BABAM2: variants seen among roughly 807,000 people sequenced by gnomAD.
BABAM2 encodes BRISC and BRCA1-A complex member 2.
A neutral mutation model predicts 54.7 loss-of-function variants in BABAM2; 31 were observed. The observed-to-expected ratio is 0.57, with a 90% CI of 0.43 to 0.77. The LOEUF (loss-of-function observed/expected upper bound fraction) is 0.77, where lower values mean the gene tolerates loss of function less well. Among genes scored for constraint, BABAM2 ranks in the 30% least tolerant of loss-of-function variants. The pLI is 0.00. For missense variants in BABAM2, 364 were observed against 455.8 expected, an observed-to-expected ratio of 0.80 and a Z score of 1.83; for synonymous variants, 167 against 162.9, an observed-to-expected ratio of 1.03 and a Z score of -0.19.
intron 3 of BABAM2, among the ~76,000 whole-genome samples, chr2:27,966,516 G>T (rs892073934): frequency 1.3e-5 from 2 of 152,156 alleles, no homozygotes; most frequent in Non-Finnish European, 2.9e-5. Context: ...GGCTCTTCAG[G>T]TCTTGTTGAT....
chr2:28,308,396 C>T (rs893810404), intron 11 of BABAM2: 1 of 509,398 alleles, frequency 2.0e-6, no homozygotes, highest in Non-Finnish European at 3.9e-6. Context: ...TCATCAGGTT[C>T]CCCCAACCAC....
intron 6 of BABAM2, among the ~76,000 whole-genome samples, chr2:28,059,048 T>C (rs182390987): frequency 7.9e-5 from 12 of 152,264 alleles, no homozygotes; most frequent in African/African-American, 2.6e-4. Flanking sequence ...TTTGGTTTTA[T>C]TCTTTTTGCT....
At chr2:28,156,998 A>T (rs1438832399) in intron 7 of BABAM2, among the ~76,000 whole-genome samples, 2 of 152,190 alleles carry the variant, frequency 1.3e-5, no homozygotes, top group Non-Finnish European at 2.9e-5. Flanking sequence ...TAGAAAACAA[A>T]TGTATTGGTC....
At chr2:28,279,946 G>T (rs1573989015) in intron 10 of BABAM2, among the ~76,000 whole-genome samples, 1 of 152,144 alleles carries the variant, frequency 6.6e-6, no homozygotes, top group Non-Finnish European at 1.5e-5. Context: ...GGGATTACAG[G>T]CATGAGCCAC....
At chr2:27,901,577 A>G (rs1237965882) in intron 2 of BABAM2, among the ~76,000 whole-genome samples, 2 of 152,206 alleles carry the variant, frequency 1.3e-5, no homozygotes, top group Non-Finnish European at 2.9e-5. Flanking sequence ...TTAAAGGATG[A>G]GTGCTGTAAG....
At chr2:27,959,999 TTTCAGCATC>T (rs1448575438) in intron 3 of BABAM2, among the ~76,000 whole-genome samples, 1 of 152,176 alleles carries the variant, frequency 6.6e-6, no homozygotes, top group African/African-American at 2.4e-5. Flanking sequence ...CATCCTAATT[TTTCAGCATC>T]TTAATTTTTC....
At chr2:28,060,211 T>C (rs1678748113) in intron 6 of BABAM2, among the ~76,000 whole-genome samples, 1 of 152,150 alleles carries the variant, frequency 6.6e-6, no homozygotes, top group African/African-American at 2.4e-5. Flanking sequence ...AAATCAACAA[T>C]ATAACTAATC....
chr2:28,089,369 GC>G (rs1232272992), intron 6 of BABAM2, among the ~76,000 whole-genome samples: 1 of 152,140 alleles, frequency 6.6e-6, no homozygotes, highest in African/African-American at 2.4e-5. Flanking sequence ...CTATGTCTTG[GC>G]CACCTCTTTC....
chr2:28,171,316 T>C (rs1674301142), intron 7 of BABAM2, among the ~76,000 whole-genome samples: 1 of 152,350 alleles, frequency 6.6e-6, no homozygotes, highest in Non-Finnish European at 1.5e-5. Context: ...AAGATGATGA[T>C]GGGTTTCTCA....
At chr2:28,308,682 G>T in intron 11 of BABAM2, 1 of 283,866 alleles carries the variant, frequency 3.5e-6, no homozygotes, top group South Asian at 3.6e-5. Context: ...TCCACACCCA[G>T]GCAGACAGAA....
chr2:28,001,774 T>C (rs1471650297), intron 4 of BABAM2, among the ~76,000 whole-genome samples: 1 of 152,034 alleles, frequency 6.6e-6, no homozygotes, highest in East Asian at 1.9e-4. Flanking sequence ...GTGCTACACT[T>C]CTTCAAACAA....
intron 10 of BABAM2, among the ~76,000 whole-genome samples, chr2:28,286,677 A>T (rs1383786457): frequency 6.6e-6 from 1 of 152,186 alleles, no homozygotes; most frequent in Non-Finnish European, 1.5e-5. Flanking sequence ...AAGCAGTCTC[A>T]TCTAATAAGC....
intron 11 of BABAM2, among the ~76,000 whole-genome samples, chr2:28,335,923 T>C (rs1002495526): frequency 7.9e-5 from 12 of 152,208 alleles, no homozygotes; most frequent in African/African-American, 2.7e-4. Context: ...CTGCAGTTTC[T>C]CTGAGGAGAG....
intron 11 of BABAM2, among the ~76,000 whole-genome samples, chr2:28,331,826 C>A (rs1330381924): frequency 6.6e-6 from 1 of 152,170 alleles, no homozygotes; most frequent in African/African-American, 2.4e-5. Flanking sequence ...GGCATATACC[C>A]AAAGGAATAT....
intron 2 of BABAM2, among the ~76,000 whole-genome samples, chr2:27,927,253 T>A (rs763915608): frequency 3.9e-5 from 6 of 152,122 alleles, no homozygotes; most frequent in African/African-American, 4.8e-5. Context: ...AAAAAAACAA[T>A]TTGTCATTGA....
At chr2:28,300,430 G>A (rs948377165) in intron 11 of BABAM2, among the ~76,000 whole-genome samples, 1 of 152,140 alleles carries the variant, frequency 6.6e-6, no homozygotes, top group Non-Finnish European at 1.5e-5. Flanking sequence ...AATATAACAA[G>A]TAACAATGAT....
chr2:28,265,991 CTT>C (rs893551967), intron 10 of BABAM2, among the ~76,000 whole-genome samples: 5 of 145,684 alleles, frequency 3.4e-5, no homozygotes, highest in Non-Finnish European at 4.6e-5. Context: ...TAGTTTTCTT[CTT>C]TTTTTTTTTG....
chr2:27,913,517 C>G (rs1016686761), intron 2 of BABAM2, among the ~76,000 whole-genome samples: 1 of 152,124 alleles, frequency 6.6e-6, no homozygotes, highest in African/African-American at 2.4e-5. Flanking sequence ...AAAAACTATT[C>G]TGAAGATAAC....
At chr2:28,156,558 C>T (rs1201279401) in intron 7 of BABAM2, among the ~76,000 whole-genome samples, 1 of 152,020 alleles carries the variant, frequency 6.6e-6, no homozygotes, top group Non-Finnish European at 1.5e-5. Context: ...CAGTTGTCCC[C>T]AGCATTATAA....
Sources: gnomAD v4.1 joint callset for allele counts (sites outside exome capture counted in the v4.1 genomes callset) on GRCh38, gnomAD v4.1.1 for gene constraint, MANE v1.5 for transcripts, NCBI Gene and HGNC (gene_info 2026-07-23, HGNC 2026-07-21) for gene names.